MMP26: variants seen among roughly 807,000 people sequenced by gnomAD.
The protein encoded by MMP26 is matrix metalloproteinase-26.
A neutral mutation model predicts 31.0 loss-of-function variants in MMP26; 33 were observed. The ratio of observed to expected loss-of-function variants is 1.06; its 90% CI spans 0.81 to 1.42. The LOEUF is 1.42. Ranked by LOEUF, MMP26 falls within the 40% of genes most tolerant of loss-of-function variation. The pLI is 0.00. For synonymous variants in MMP26, 122 were observed against 114.9 expected (o/e 1.06, Z -0.40); for missense variants, 347 against 316.1 (o/e 1.10, Z -0.74).
intron 2 of MMP26, among the ~76,000 whole-genome samples, chr11:4,790,978 C>T (rs549033861): frequency 3.1e-4 from 47 of 152,300 alleles, no homozygotes; most frequent in Non-Finnish European, 4.4e-4. Context: ...CTGCTACCTT[C>T]GAAGTACATT....
chr11:4,833,168 A>T (rs1336260631), intron 2 of MMP26: 1 of 152,184 alleles, frequency 6.6e-6, no homozygotes, highest in African/African-American at 2.4e-5. Context: ...ATTTACTTCA[A>T]AGTTTTTAAA....
At position 4,980,520 on chromosome 11, in the gene MMP26, T is replaced by A. The variant is rs887275550; in HGVS notation, c.-144-7548T>A. 1.1e-4 allele frequency among the ~76,000 whole-genome samples: 16 copies of A among 151,716 alleles called. No individual in the cohort carries two copies. In the East Asian group the frequency reaches 1.9e-3, roughly 18 times the overall value. ...AAATAAAACATAAAATATGAAAAAATTTAAATTTAAGGAGATTACTAAGAC... is the reference window on the plus strand; with the variant it reads ...AAATAAAACATAAAATATGAAAAAAATTAAATTTAAGGAGATTACTAAGAC... On this transcript the variant is annotated intron_variant, in intron 2 of 7. Coordinates refer to ENST00000380390, the MANE Select transcript of MMP26 (RefSeq NM_021801.5).
intron 2 of MMP26, among the ~76,000 whole-genome samples, chr11:4,816,553 C>T (rs999759572): frequency 6.6e-6 from 1 of 150,480 alleles, no homozygotes. Flanking sequence ...TCAGACAAAA[C>T]GAAAGATAAT....
At chr11:4,805,391 T>C (rs1160045294) in intron 2 of MMP26, among the ~76,000 whole-genome samples, 1 of 152,244 alleles carries the variant, frequency 6.6e-6, no homozygotes, top group African/African-American at 2.4e-5. Flanking sequence ...TGGCCTATAC[T>C]GTCTGTTGCA....
At chr11:4,720,326 A>C (rs1323949905) in intron 1 of MMP26, among the ~76,000 whole-genome samples, 1 of 152,240 alleles carries the variant, frequency 6.6e-6, no homozygotes, top group African/African-American at 2.4e-5. Context: ...ACCATCTTCA[A>C]ATAAATTAAT....
chr11:4,778,557 A>G (rs1480907154), intron 2 of MMP26, among the ~76,000 whole-genome samples: 2 of 152,052 alleles, frequency 1.3e-5, no homozygotes, highest in Non-Finnish European at 2.9e-5. Flanking sequence ...TATTATAAGA[A>G]TAAAGCTTCA....
chr11:4,959,571 C>A (rs554706928), intron 2 of MMP26, among the ~76,000 whole-genome samples: 1 of 152,134 alleles, frequency 6.6e-6, no homozygotes, highest in Non-Finnish European at 1.5e-5. Context: ...GGTCTATTTT[C>A]CCCTGAACAC....
intron 1 of MMP26, among the ~76,000 whole-genome samples, chr11:4,745,910 C>G (rs575168221): frequency 6.6e-6 from 1 of 152,216 alleles, no homozygotes; most frequent in East Asian, 1.9e-4. Flanking sequence ...ATTTAAGTTT[C>G]TTTAATGTCT....
In MMP26 at chr11:4,898,410, T is replaced by G. The variant is rs550926567; in HGVS notation, c.-144-89658T>G. Among the ~76,000 whole-genome samples, 187 of 152,122 alleles carry G rather than the reference T, an allele frequency of 1.2e-3. 1 individual carries two copies. Among genetic ancestry groups the G allele is most frequent in the Non-Finnish European group, 2.4e-3 (163 of 67,986 alleles). ...TGTGTTAATTTCTTTGTGTTTATCC[T>G]GTTTGGGGTTGTTTGCTGTGGCTCT... On this transcript the variant is annotated intron_variant, in intron 2 of 7. Transcript: ENST00000380390.
intron 2 of MMP26, among the ~76,000 whole-genome samples, chr11:4,791,069 A>G (rs527442788): frequency 1.4e-4 from 21 of 152,208 alleles, no homozygotes; most frequent in Non-Finnish European, 2.9e-4. Context: ...TCATCAATCA[A>G]TAATCATTTC....
intron 1 of MMP26, among the ~76,000 whole-genome samples, chr11:4,722,357 G>A (rs74052058): frequency 0.029 from 4,377 of 151,898 alleles, 192 homozygotes; most frequent in African/African-American, 0.099. Context: ...CAAAGATAAT[G>A]ACTCCTTGAT....
chr11:4,843,488 A>G (rs949783592), intron 2 of MMP26, among the ~76,000 whole-genome samples: 9 of 152,350 alleles, frequency 5.9e-5, no homozygotes, highest in African/African-American at 2.2e-4. Flanking sequence ...CTCTGAAGGA[A>G]TAGTCCGAGC....
At chr11:4,963,237 A>G (rs1589820037) in intron 2 of MMP26, among the ~76,000 whole-genome samples, 1 of 152,112 alleles carries the variant, frequency 6.6e-6, no homozygotes, top group Admixed American at 6.6e-5. Flanking sequence ...ATAAGAGAGG[A>G]CACAAACAAA....
chr11:4,718,063 A>G (rs74772587), intron 1 of MMP26, among the ~76,000 whole-genome samples: 2,379 of 152,302 alleles, frequency 0.016, 57 homozygotes, highest in African/African-American at 0.054. Context: ...AATAGACTGT[A>G]TGCTTGTCCA....
intron 2 of MMP26, chr11:4,849,021 A>G (rs1308815149): frequency 2.5e-6 from 4 of 1,613,998 alleles, no homozygotes; most frequent in South Asian, 1.1e-5. Flanking sequence ...TGGGCGGTGC[A>G]GGGCGGGCTG....
chr11:4,858,128 G>C (rs892046485), intron 2 of MMP26, among the ~76,000 whole-genome samples: 1 of 152,066 alleles, frequency 6.6e-6, no homozygotes, highest in Non-Finnish European at 1.5e-5. Flanking sequence ...CATACTGAAT[G>C]GGCAAAAACT....
At chr11:4,814,802 T>C (rs1849398339) in intron 2 of MMP26, among the ~76,000 whole-genome samples, 1 of 152,168 alleles carries the variant, frequency 6.6e-6, no homozygotes, top group South Asian at 2.1e-4. Flanking sequence ...TAAAAATGTT[T>C]AGAGAAAATT....
intron 2 of MMP26, chr11:4,795,417 G>A (rs539104596): frequency 5.7e-4 from 87 of 152,222 alleles, no homozygotes; most frequent in African/African-American, 1.9e-3. Flanking sequence ...TATTATTTCC[G>A]AAAAGATTGG....
intron 2 of MMP26, among the ~76,000 whole-genome samples, chr11:4,825,132 T>G (rs1849563193): frequency 6.6e-6 from 1 of 152,084 alleles, no homozygotes; most frequent in Admixed American, 6.6e-5. Flanking sequence ...ACACTCAGGT[T>G]TGGTTTGTGT....
Sources: gnomAD v4.1 joint callset for allele counts (sites outside exome capture counted in the v4.1 genomes callset) on GRCh38, gnomAD v4.1.1 for gene constraint, MANE v1.5 for transcripts, NCBI Gene and HGNC (gene_info 2026-07-23, HGNC 2026-07-21) for gene names.